The following RASGRF1 variants were observed in gnomAD, a reference collection of about 807,000 sequenced individuals.
The protein encoded by RASGRF1 is Ras protein specific guanine nucleotide releasing factor 1.
RASGRF1 carries 40 observed loss-of-function variants against 138.7 expected under a neutral mutation model. That is an observed-to-expected ratio of 0.29 (90% CI 0.22 to 0.38). RASGRF1 has a LOEUF of 0.38. Ranked by LOEUF, RASGRF1 falls within the 10% of genes least tolerant of loss-of-function variation. The pLI is 1.00. For synonymous variants in RASGRF1, 614 were observed against 663.2 expected (o/e 0.93, Z 1.14); for missense variants, 1,108 against 1,650.4 (o/e 0.67, Z 5.69).
rs1453687453 is a variant in RASGRF1, at chr15:78,960,976, AT to A, written c.*1167del. The stretch of plus-strand genomic sequence containing the variant: ...AACATATATTTTTACAAAAATGGAA[AT>A]TTTTTTCCAAACAAGCTGTAAGTTG... On this transcript the variant is annotated 3_prime_UTR_variant, in exon 27 of 27. Coordinates refer to ENST00000558480, the MANE Select transcript of RASGRF1 (RefSeq NM_001145648.3). 2.0e-5 allele frequency: 3 copies of A among 152,326 alleles called. No homozygotes were observed. The highest frequency in any genetic ancestry group is 3.9e-4 in the East Asian group (2 of 5,176). 9.4% of individuals were successfully genotyped at this position (152,326 alleles called of 1,614,324 possible).
chr15:78,973,952 T>C lies in RASGRF1; in HGVS notation c.3495-532A>G, dbSNP rs367722510. 6.6e-6 allele frequency among the ~76,000 whole-genome samples: 1 copy of C among 152,150 alleles called. No individual in the cohort carries two copies. The highest frequency in any genetic ancestry group is 2.4e-5 in the African/African-American group (1 of 41,432). On this transcript the variant is annotated intron_variant, in intron 24 of 26. Coordinates refer to ENST00000558480, the MANE Select transcript of RASGRF1 (RefSeq NM_001145648.3). The surrounding 1 kb of genome is among the most constrained non-coding windows in gnomAD (Gnocchi z 4.9). ...CTCCCACCCACCTAAGCACTGGGCT[T>C]GGGTGCCAGGGCAGGAAACCCTTGC...
intron 3 of RASGRF1, among the ~76,000 whole-genome samples, chr15:79,052,155 C>T (rs752572631): frequency 1.7e-4 from 26 of 152,306 alleles, no homozygotes; most frequent in Non-Finnish European, 2.6e-4. Context: ...CCACCACCCT[C>T]AGACTGGCTT....
At chr15:79,002,169 CTCT>C (rs1288596209) in intron 15 of RASGRF1, among the ~76,000 whole-genome samples, 7 of 150,590 alleles carry the variant, frequency 4.6e-5, no homozygotes, top group Non-Finnish European at 7.4e-5. Flanking sequence ...TACACGATCT[CTCT>C]TTTTTTTTTT....
chr15:78,989,453 C>T (rs1399944391), intron 22 of RASGRF1, among the ~76,000 whole-genome samples: 1 of 151,580 alleles, frequency 6.6e-6, no homozygotes, highest in Non-Finnish European at 1.5e-5. Context: ...GGCCTCCTAA[C>T]ATTAAAGAGA....
intron 1 of RASGRF1, among the ~76,000 whole-genome samples, chr15:79,075,651 C>T (rs2057823336): frequency 6.6e-6 from 1 of 152,232 alleles, no homozygotes; most frequent in Non-Finnish European, 1.5e-5. Context: ...GGGTGACCAA[C>T]TGTCCTGGGT....
At chr15:78,992,895 C>T (rs185977251) in intron 20 of RASGRF1, among the ~76,000 whole-genome samples, 4 of 152,258 alleles carry the variant, frequency 2.6e-5, no homozygotes, top group South Asian at 2.1e-4. Context: ...CCTTGCTACA[C>T]GCTGAGATAG....
At chr15:79,022,852 T>G (rs2056980732) in intron 10 of RASGRF1, among the ~76,000 whole-genome samples, 1 of 152,138 alleles carries the variant, frequency 6.6e-6, no homozygotes, top group Admixed American at 6.5e-5. Flanking sequence ...TCTGGAAGAA[T>G]GGTTTATCTG....
intron 1 of RASGRF1, among the ~76,000 whole-genome samples, chr15:79,079,237 A>C (rs1476425900): frequency 6.6e-6 from 1 of 152,164 alleles, no homozygotes; most frequent in Non-Finnish European, 1.5e-5. Context: ...ATCTGTGATG[A>C]CGCCTCAGCC....
intron 22 of RASGRF1, chr15:78,985,865 C>T (rs1169577723): frequency 7.7e-6 from 1 of 129,998 alleles, no homozygotes; most frequent in Non-Finnish European, 1.6e-5. Flanking sequence ...GTGGATGTTT[C>T]AGTGAGCCAA....
chr15:79,025,512 G>A, intron 9 of RASGRF1, 38 bp from the exon 10 acceptor site: 1 of 1,586,026 alleles, frequency 6.3e-7, no homozygotes, highest in Non-Finnish European at 8.6e-7. Flanking sequence ...CCCATCTCCT[G>A]GGGTGACCTT....
chr15:79,003,693 T>C, intron 15 of RASGRF1, 109 bp downstream of exon 15: 2 of 1,476,694 alleles, frequency 1.4e-6, no homozygotes, highest in Non-Finnish European at 1.8e-6. Flanking sequence ...AGCCTCTCCC[T>C]TCCTTCCCCA....
intron 10 of RASGRF1, 111 bp downstream of exon 10, chr15:79,025,203 C>T: frequency 8.0e-7 from 1 of 1,256,032 alleles, no homozygotes; most frequent in Non-Finnish European, 1.1e-6. Context: ...TGTGCATGCA[C>T]ACGTCTCTGA....
Position 79,050,359 on chromosome 15 carries a change from T to TTG in RASGRF1, c.532-773_532-772dup, listed in dbSNP as rs2057414112. ...CCTTTCAAGGCCAAGCAATATTCCC[T>TTG]TGTGTGTGTAGACCACATTTTATTT... is the stretch of plus-strand genomic sequence containing the variant. On this transcript the variant is annotated intron_variant, in intron 3 of 26. Transcript: ENST00000558480. The surrounding 1 kb of genome is among the most constrained non-coding windows in gnomAD (Gnocchi z 4.1). Among the ~76,000 whole-genome samples, 1 of 152,254 alleles carries TTG rather than the reference T, an allele frequency of 6.6e-6. No homozygotes were observed. The highest frequency in any genetic ancestry group is 2.4e-5 in the African/African-American group (1 of 41,468).
At chr15:78,986,420 C>T (rs1241298347) in intron 22 of RASGRF1, among the ~76,000 whole-genome samples, 1 of 151,626 alleles carries the variant, frequency 6.6e-6, no homozygotes, top group Admixed American at 6.6e-5. Flanking sequence ...CATCTCGGCT[C>T]ACTTCAACTT....
chr15:79,058,251 C>T, intron 3 of RASGRF1, 83 bp downstream of exon 3: 2 of 1,536,972 alleles, frequency 1.3e-6, no homozygotes, highest in Non-Finnish European at 1.8e-6. Context: ...CCCTGCCTGT[C>T]ATGTGGCTCC....
Position 79,005,095 on chromosome 15 carries a change from GT to G in RASGRF1, c.2076-921del, listed in dbSNP as rs1055843293. 4.1e-6 allele frequency: 4 copies of G among 985,332 alleles called. No individual in the cohort carries two copies. In the African/African-American group the frequency reaches 7.0e-5, roughly 17 times the overall value. The allele number at this position is 985,332 out of a possible 1,614,324, so 61.0% of individuals were successfully genotyped here. On this transcript the variant is annotated intron_variant, in intron 14 of 26. Coordinates refer to ENST00000558480, the MANE Select transcript of RASGRF1 (RefSeq NM_001145648.3). ...GGGGTAAATCCATCCTGGATGGGAT[GT>G]TTGCTTCTGTTTTCTCAGAGCCCTG... is the stretch of plus-strand genomic sequence containing the variant.
chr15:79,013,673 G>A (rs1296597033), intron 13 of RASGRF1, among the ~76,000 whole-genome samples: 2 of 152,216 alleles, frequency 1.3e-5, no homozygotes. Flanking sequence ...ATTCAGAGGT[G>A]GGAATGGAGG....
At chr15:79,005,749 T>TC (rs2056658470) in intron 14 of RASGRF1, 1 of 466,242 alleles carries the variant, frequency 2.1e-6, no homozygotes, top group Non-Finnish European at 2.7e-6. Context: ...CTCCCTCCCT[T>TC]CCTTCCTTCC....
chr15:79,089,492 G>A (rs1283546812), intron 1 of RASGRF1, among the ~76,000 whole-genome samples: 2 of 152,244 alleles, frequency 1.3e-5, no homozygotes, highest in Non-Finnish European at 2.9e-5. Flanking sequence ...CTGCGGCGGC[G>A]GCGGCGGCGC....
Sources: allele counts gnomAD v4.1 joint callset (sites outside exome capture counted in the v4.1 genomes callset), GRCh38; gene constraint gnomAD v4.1.1; non-coding constraint Gnocchi (gnomAD v3.1); transcripts MANE v1.5; gene names NCBI Gene and HGNC (gene_info 2026-07-23, HGNC 2026-07-21).